The following EXOC5 variants were observed in gnomAD, a reference collection of about 807,000 sequenced individuals.
The protein encoded by EXOC5 is SEC10-like 1.
Under a neutral mutation model 90.8 loss-of-function variants are expected in EXOC5, and 17 were observed. That is an observed-to-expected ratio of 0.19 (90% CI 0.13 to 0.28). The LOEUF (loss-of-function observed/expected upper bound fraction) is 0.28. EXOC5 is among the 10% of genes least tolerant of loss of function. The pLI, the probability that EXOC5 is intolerant of heterozygous loss-of-function variation, is 1.00. For missense variants in EXOC5, 569 were observed against 830.6 expected, an observed-to-expected ratio of 0.69 and a Z score of 3.87; for synonymous variants, 260 against 270.0, an observed-to-expected ratio of 0.96 and a Z score of 0.36.
At chr14:57,219,277 TA>T in intron 14 of EXOC5, 44 bp downstream of exon 14, 1 of 1,237,514 alleles carries the variant, frequency 8.1e-7, no homozygotes, top group Non-Finnish European at 1.1e-6. Flanking sequence ...TAGAATGCTA[TA>T]ATAGTCACTG....
Position 57,268,737 on chromosome 14 carries a change from C to G in EXOC5, c.-89G>C, listed in dbSNP as rs1253362778. 5.3e-6 allele frequency: 8 copies of G among 1,499,462 alleles called. No homozygotes were observed. The highest frequency in any genetic ancestry group is 2.4e-4 in the Middle Eastern group (1 of 4,186). 92.9% of individuals were successfully genotyped at this position (1,499,462 alleles called of 1,614,324 possible). ...GAGGCGCGGCGCACAGGTCTCCGCT[C>G]GGCTCGCCAGCTCCGGCTCCGGGCC... On this transcript the variant is annotated 5_prime_UTR_variant, in exon 1 of 18. Transcript: ENST00000621441.
chr14:57,239,080 G>A (rs1037549613), intron 5 of EXOC5, among the ~76,000 whole-genome samples: 3 of 152,050 alleles, frequency 2.0e-5, no homozygotes, highest in African/African-American at 7.2e-5. Flanking sequence ...AAGTCCCTAG[G>A]AAGAGTTCTG....
chr14:57,204,690 A>G lies in EXOC5; in HGVS notation c.*3919T>C, dbSNP rs1235053165. The G allele has an allele frequency of 1.3e-5, 2 of 152,484 alleles. No individual in the cohort carries two copies. Among genetic ancestry groups the G allele is most frequent in the Non-Finnish European group, 2.9e-5 (2 of 67,914 alleles). 9.4% of individuals were successfully genotyped at this position (152,484 alleles called of 1,614,324 possible). A position where few individuals can be genotyped will look rare whatever the true frequency, so the allele number is the denominator to read the frequency against. ...GAAAAGTATATAAAATAATACCAAT[A>G]AAGATTTGTGATAGACATATTTCTA... On this transcript the variant is annotated 3_prime_UTR_variant, in exon 18 of 18. Coordinates refer to ENST00000621441, the MANE Select transcript of EXOC5 (RefSeq NM_006544.4).
chr14:57,262,386 C>A (rs962041466), intron 1 of EXOC5, among the ~76,000 whole-genome samples: 2 of 151,912 alleles, frequency 1.3e-5, no homozygotes, highest in Non-Finnish European at 2.9e-5. Flanking sequence ...TGTCTTCCAC[C>A]TCCTGGCTAA....
intron 1 of EXOC5, among the ~76,000 whole-genome samples, chr14:57,257,367 A>T (rs1204118996): frequency 6.6e-6 from 1 of 152,214 alleles, no homozygotes; most frequent in Non-Finnish European, 1.5e-5. Context: ...GAGCACATAG[A>T]TGGAAAAACA....
At chr14:57,214,210 T>C (rs1882908447) in intron 15 of EXOC5, among the ~76,000 whole-genome samples, 1 of 152,000 alleles carries the variant, frequency 6.6e-6, no homozygotes, top group Admixed American at 6.6e-5. Flanking sequence ...TAGGCATGCT[T>C]GTTGTAGGGG....
Position 57,265,511 on chromosome 14 carries a change from C to T in EXOC5, c.27+3111G>A, listed in dbSNP as rs538151234. The stretch of plus-strand genomic sequence containing the variant: ...GCCAAGGTGGGCAGATTGTTTAAGC[C>T]CAGGAGATCAAGACCAGCCTGGGCA... On this transcript the variant is annotated intron_variant, in intron 1 of 17. Coordinates refer to ENST00000621441, the MANE Select transcript of EXOC5 (RefSeq NM_006544.4). Among the ~76,000 whole-genome samples, 298 of 152,188 alleles carry T rather than the reference C, an allele frequency of 2.0e-3. 1 individual carries two copies. The highest frequency in any genetic ancestry group is 6.9e-3 in the African/African-American group (286 of 41,538).
rs1447181679 is a variant in EXOC5 at position 57,207,736 on chromosome 14, T to C, written c.*873A>G. On this transcript the variant is annotated 3_prime_UTR_variant, in exon 18 of 18. Coordinates refer to ENST00000621441, the MANE Select transcript of EXOC5 (RefSeq NM_006544.4). ...GCTGCATGTTGCTAAACACTGTCAG[T>C]ATTTCCTATATGCACCATTTAGACT... 1 of 152,100 alleles carries C rather than the reference T, an allele frequency of 6.6e-6. No individual in the cohort carries two copies. The highest frequency in any genetic ancestry group is 1.5e-5 in the Non-Finnish European group (1 of 67,978). 9.4% of individuals were successfully genotyped at this position (152,100 alleles called of 1,614,324 possible). A position where few individuals can be genotyped will look rare whatever the true frequency, so the allele number is the denominator to read the frequency against.
intron 10 of EXOC5, chr14:57,232,224 G>C (rs1340510425): frequency 6.5e-6 from 1 of 153,974 alleles, no homozygotes; most frequent in East Asian, 1.9e-4. Flanking sequence ...CACTGAAGAA[G>C]AGTAATAGGG....
At chr14:57,257,425 T>C (rs528580136) in intron 1 of EXOC5, among the ~76,000 whole-genome samples, 1 of 152,260 alleles carries the variant, frequency 6.6e-6, no homozygotes, top group Non-Finnish European at 1.5e-5. Flanking sequence ...ATTTGAATCA[T>C]CAACATATAG....
chr14:57,267,157 G>C (rs1410547666), intron 1 of EXOC5, among the ~76,000 whole-genome samples: 4 of 152,160 alleles, frequency 2.6e-5, no homozygotes, highest in Non-Finnish European at 5.9e-5. Flanking sequence ...AAAGTTCCTA[G>C]CAGGAAAAAT....
rs1882667666 is a variant in EXOC5 at position 57,206,720 on chromosome 14, TAAACA to T, written c.*1884_*1888del. 1 of 152,414 alleles carries T rather than the reference TAAACA, an allele frequency of 6.6e-6. No individual in the cohort carries two copies. The highest frequency in any genetic ancestry group is 1.5e-5 in the Non-Finnish European group (1 of 67,902). 9.4% of individuals were successfully genotyped at this position (152,414 alleles called of 1,614,324 possible). ...GCACAGAACTCAAACATGAAAATAA[TAAACA>T]AAATAACTAAGCAACAAGTATATGC... On this transcript the variant is annotated 3_prime_UTR_variant, in exon 18 of 18. Transcript: ENST00000621441.
At chr14:57,218,848 T>C (rs1037471723) in intron 14 of EXOC5, among the ~76,000 whole-genome samples, 3 of 152,122 alleles carry the variant, frequency 2.0e-5, no homozygotes, top group Admixed American at 6.5e-5. Flanking sequence ...TCTCAAATGC[T>C]TTATAAGTTC....
Position 57,208,531 on chromosome 14 carries a change from C to CATAAGG in EXOC5, c.*77_*78insCCTTAT. 4.8e-6 allele frequency: 5 copies of CATAAGG among 1,051,338 alleles called. No individual in the cohort carries two copies. The South Asian group carries it at 8.5e-5, about 18-fold the overall frequency. 65.1% of individuals were successfully genotyped at this position (1,051,338 alleles called of 1,614,324 possible). A position where few individuals can be genotyped will look rare whatever the true frequency, so the allele number is the denominator to read the frequency against. The stretch of plus-strand genomic sequence containing the variant: ...TGTCATAAGGTATCTCCTGTGCTTT[C>CATAAGG]TATCAACCGAGGGCTGCTGAAGTAT... On this transcript the variant is annotated 3_prime_UTR_variant, in exon 18 of 18. Transcript: ENST00000621441.
intron 4 of EXOC5, 120 bp from the exon 5 acceptor site, chr14:57,239,779 A>G (rs951792010): frequency 6.9e-6 from 4 of 576,888 alleles, no homozygotes; most frequent in Non-Finnish European, 8.9e-6. Flanking sequence ...CCCTAAAAAA[A>G]TTTCCTTTAA....
intron 12 of EXOC5, among the ~76,000 whole-genome samples, chr14:57,223,683 G>A (rs1458114777): frequency 2.0e-5 from 3 of 151,996 alleles, no homozygotes; most frequent in Non-Finnish European, 4.4e-5. Flanking sequence ...AAATTGGTAA[G>A]GATATAGAAG....
chr14:57,235,496 CAATATT>C (rs888307031), intron 7 of EXOC5, among the ~76,000 whole-genome samples: 2 of 151,284 alleles, frequency 1.3e-5, no homozygotes, highest in African/African-American at 4.9e-5. Flanking sequence ...AATTTTAATT[CAATATT>C]AATATTATTG....
intron 5 of EXOC5, chr14:57,237,644 G>A (rs1883702459): frequency 6.6e-6 from 2 of 300,870 alleles, no homozygotes; most frequent in African/African-American, 2.2e-5. Flanking sequence ...AATTCACATT[G>A]AAAATCAATT....
intron 12 of EXOC5, among the ~76,000 whole-genome samples, chr14:57,224,912 C>T (rs1474917748): frequency 6.6e-6 from 1 of 151,828 alleles, no homozygotes; most frequent in African/African-American, 2.4e-5. Context: ...AAATACAAAA[C>T]TCAGCCGGGC....
Sources: allele counts gnomAD v4.1 joint callset (sites outside exome capture counted in the v4.1 genomes callset), GRCh38; gene constraint gnomAD v4.1.1; transcripts MANE v1.5; gene names NCBI Gene and HGNC (gene_info 2026-07-23, HGNC 2026-07-21).